The following NBPF15 variants were observed in gnomAD, a reference collection of about 807,000 sequenced individuals.
The protein encoded by NBPF15 is NBPF family member NBPF15.
A neutral mutation model predicts 62.2 loss-of-function variants in NBPF15; 74 were observed. The observed-to-expected ratio is 1.19, with a 90% CI of 0.99 to 1.44. The LOEUF is 1.44. Ranked by LOEUF, NBPF15 falls within the 40% of genes most tolerant of loss-of-function variation. NBPF15 has a pLI of 0.00. For synonymous variants in NBPF15, 244 were observed against 209.7 expected (o/e 1.16, Z -1.41); for missense variants, 790 against 550.0 (o/e 1.44, Z -4.36).
At chr1:144,439,529 G>T (rs1273783287) in intron 8 of NBPF15, among the ~76,000 whole-genome samples, 1 of 152,042 alleles carries the variant, frequency 6.6e-6, no homozygotes, top group Admixed American at 6.5e-5. Context: ...GTACAGAGAG[G>T]ATTCTTGAAA....
In NBPF15 at chr1:144,438,111, AC is replaced by A; in HGVS notation, c.176-65del. 3 of 1,565,270 alleles carry A rather than the reference AC, an allele frequency of 1.9e-6. No individual in the cohort carries two copies. The South Asian group carries it at 3.3e-5, about 17-fold the overall frequency. ...GGACATGCTGCTGTGGTCATTGCCT[AC>A]AGGACAGGAGCCAGGTCCATCCCAA... On this transcript the variant is annotated intron_variant, in intron 8 of 21. Coordinates refer to ENST00000581897, the MANE Select transcript of NBPF15 (RefSeq NM_001385408.1).
At chr1:144,424,232 G>A (rs1222509789) in intron 20 of NBPF15, among the ~76,000 whole-genome samples, 1 of 151,958 alleles carries the variant, frequency 6.6e-6, no homozygotes, top group African/African-American at 2.4e-5. Context: ...TGTGCAAACA[G>A]TTATGCCATA....
At chr1:144,428,457 C>T (rs1213498473) in intron 15 of NBPF15, 149 bp downstream of exon 15, 123 of 888,162 alleles carry the variant, frequency 1.4e-4, no homozygotes, top group African/African-American at 1.3e-3. Context: ...AACATTTACT[C>T]TAATGAGAAC....
chr1:144,442,280 C>T (rs1256591050), intron 6 of NBPF15, among the ~76,000 whole-genome samples: 4 of 109,036 alleles, frequency 3.7e-5, no homozygotes, highest in East Asian at 4.9e-4. Context: ...TATATATACA[C>T]GTGTATATAT....
rs1346239770 is a variant in NBPF15 at position 144,427,914 on chromosome 1, A to C, written c.1117T>G (p.Ser373Ala). 1 of 703,578 alleles carries C rather than the reference A, an allele frequency of 1.4e-6. No individual in the cohort carries two copies. The highest frequency in any genetic ancestry group is 1.8e-5 in the African/African-American group (1 of 55,426). The allele number at this position is 703,578 out of a possible 1,614,324, so 43.6% of individuals were successfully genotyped here. ...GAGTCAGTCAGTTCAAGACAACCTG[A>C]AGGAGTTGAATAACATCTATCCAGT... ...DSLDRCYSTP[S>A]GCLELTDSCQ... Residue 373 changes from serine (S) to alanine (A), a missense_variant, in exon 16 of 22, where the codon TCA becomes GCA. Coordinates refer to ENST00000581897, the MANE Select transcript of NBPF15 (RefSeq NM_001385408.1).
Position 144,423,936 on chromosome 1 carries a change from C to T in NBPF15, c.1703G>A (p.Arg568Lys). 3.8e-6 allele frequency: 3 copies of T among 784,982 alleles called. No homozygotes were observed. The highest frequency in any genetic ancestry group is 2.7e-5 in the South Asian group (2 of 74,882). The allele number at this position is 784,982 out of a possible 1,614,324, so 48.6% of individuals were successfully genotyped here. A position where few individuals can be genotyped will look rare whatever the true frequency, so the allele number is the denominator to read the frequency against. ...CCTTCTTCTTTTCTTCTTTGATCTT[C>T]TTCCCCTTCTTTTCTTCCCCTTCCC... ...KKGKGKKRRG[R>K]RSKKKRRRGR... The change falls in exon 21 of 22, where the codon AGA (arginine) becomes AAA (lysine). Residue 568 changes from arginine to lysine, a missense_variant. By Grantham distance (26) the Arg-to-Lys change is conservative. Coordinates refer to ENST00000581897, the MANE Select transcript of NBPF15 (RefSeq NM_001385408.1).
chr1:144,457,882 G>T (rs1480752124), intron 3 of NBPF15, among the ~76,000 whole-genome samples: 2 of 151,922 alleles, frequency 1.3e-5, no homozygotes, highest in African/African-American at 4.8e-5. Flanking sequence ...TTGAGCCCAG[G>T]AGTTTGAAAC....
At chr1:144,461,310 C>G (rs1652878129) in intron 1 of NBPF15, 71 bp downstream of exon 1, 1 of 151,664 alleles carries the variant, frequency 6.6e-6, no homozygotes, top group Non-Finnish European at 1.5e-5. Flanking sequence ...GCCTCGCCCT[C>G]CGTCGCTCGC....
chr1:144,443,243 A>T (rs1684889473), intron 6 of NBPF15, among the ~76,000 whole-genome samples: 1 of 151,948 alleles, frequency 6.6e-6, no homozygotes, highest in Admixed American at 6.6e-5. Context: ...AAAAGATTCT[A>T]CTAAAAAAAA....
Position 144,439,875 on chromosome 1 carries a change from A to T in NBPF15, c.129T>A (p.Phe43Leu). The T allele has an allele frequency of 6.2e-7, 1 of 1,610,784 alleles. No homozygotes were observed. ...QQFRNLKEKCFLTQLAGFLAN... is the reference protein window; with the variant it reads ...QQFRNLKEKCLLTQLAGFLAN... ...CCAGGAAGCCGGCCAGTTGAGTTAG[A>T]AAACATTTCTCTTTGAGGTTTCTGA... The change falls in exon 8 of 22, where the codon TTT (phenylalanine) becomes TTA (leucine). Residue 43 changes from phenylalanine (F) to leucine (L), a missense_variant. Transcript: ENST00000581897.
Position 144,433,832 on chromosome 1 carries a change from TA to T in NBPF15, c.773-9del. ...CATCATCACTTTCATTTTCTGTAAA[TA>T]AATTCAGAGAAGCAGGTCACATTAA... is the stretch of plus-strand genomic sequence containing the variant. On this transcript the variant is annotated splice_polypyrimidine_tract_variant and intron_variant, in intron 12 of 21. Transcript: ENST00000581897. The T allele has an allele frequency of 1.3e-6, 1 of 754,334 alleles. No homozygotes were observed. Among genetic ancestry groups the T allele is most frequent in the South Asian group, 1.4e-5 (1 of 72,750 alleles). The allele number at this position is 754,334 out of a possible 1,614,324, so 46.7% of individuals were successfully genotyped here. A position where few individuals can be genotyped will look rare whatever the true frequency, so the allele number is the denominator to read the frequency against.
At chr1:144,423,621 C>G (rs1245630357) in intron 21 of NBPF15, among the ~76,000 whole-genome samples, 1 of 151,918 alleles carries the variant, frequency 6.6e-6, no homozygotes, top group Non-Finnish European at 1.5e-5. Flanking sequence ...AAAATATGCT[C>G]AAAATTTGAT....
intron 17 of NBPF15, 100 bp from the exon 18 acceptor site, chr1:144,426,550 A>T: frequency 1.4e-6 from 1 of 739,310 alleles, no homozygotes; most frequent in South Asian, 1.4e-5. Flanking sequence ...GTTTAAAAAG[A>T]AAAAGGACGG....
At chr1:144,453,662 A>AAAG (rs1165682772) in intron 4 of NBPF15, among the ~76,000 whole-genome samples, 14 of 86,792 alleles carry the variant, frequency 1.6e-4, no homozygotes, top group Non-Finnish European at 3.2e-4. Flanking sequence ...AAAAAAAAAA[A>AAAG]GTGAAACATC....
intron 18 of NBPF15, 72 bp downstream of exon 18, chr1:144,426,206 C>G (rs1230747806): frequency 5.1e-6 from 3 of 591,962 alleles, no homozygotes; most frequent in East Asian, 5.6e-5. Flanking sequence ...GTAAGGGCCA[C>G]TTGGAACAGG....
chr1:144,452,384 T>C (rs1691752743), intron 4 of NBPF15, among the ~76,000 whole-genome samples: 3 of 151,896 alleles, frequency 2.0e-5, no homozygotes, highest in Admixed American at 2.0e-4. Context: ...ATGCAATCTC[T>C]TCTCTACTTG....
rs1396669891 is a variant in NBPF15, at chr1:144,434,969, G to A, written c.772+142C>T. 14 of 1,419,136 alleles carry A rather than the reference G, an allele frequency of 9.9e-6. No individual in the cohort carries two copies. In the East Asian group the frequency reaches 2.1e-4, roughly 21 times the overall value. The allele number at this position is 1,419,136 out of a possible 1,614,324, so 87.9% of individuals were successfully genotyped here. A position where few individuals can be genotyped will look rare whatever the true frequency, so the allele number is the denominator to read the frequency against. ...ACAAAGGCATGACATTAGCTGAGAA[G>A]GACAAAAAAACTCCCTGATATCTGT... is the stretch of plus-strand genomic sequence containing the variant. On this transcript the variant is annotated intron_variant, in intron 12 of 21. Coordinates refer to ENST00000581897, the MANE Select transcript of NBPF15 (RefSeq NM_001385408.1).
rs781891754 is a variant in NBPF15, at chr1:144,435,107, C to T, written c.772+4G>A. ...GTATGAGACACAAGGAAAACAGAGG[C>T]TACCTGGAATAATGTGTACAGCATC... On this transcript the variant is annotated splice_donor_region_variant and intron_variant, in intron 12 of 21. Transcript: ENST00000581897. 6.8e-5 allele frequency: 109 copies of T among 1,612,672 alleles called. 1 individual carries two copies. Among genetic ancestry groups the T allele is most frequent in the African/African-American group, 6.5e-4 (49 of 74,954 alleles).
At chr1:144,424,055 C>T (rs1403594555) in intron 20 of NBPF15, 80 bp from the exon 21 acceptor site, 2 of 758,244 alleles carry the variant, frequency 2.6e-6, no homozygotes, top group Non-Finnish European at 4.8e-6. Flanking sequence ...AATCCTCACA[C>T]AGGGACCTCA....
Sources: gnomAD v4.1 joint callset for allele counts (sites outside exome capture counted in the v4.1 genomes callset) on GRCh38, gnomAD v4.1.1 for gene constraint, MANE v1.5 for transcripts, NCBI Gene and HGNC (gene_info 2026-07-23, HGNC 2026-07-21) for gene names.